The following LANCL1 variants were observed in gnomAD, a reference collection of about 807,000 sequenced individuals.
LANCL1 encodes the protein glutathione S-transferase LANCL1.
LANCL1 carries 50 observed loss-of-function variants against 50.6 expected under a neutral mutation model. The observed-to-expected ratio is 0.99, with a 90% confidence interval of 0.79 to 1.25. The LOEUF (loss-of-function observed/expected upper bound fraction) is 1.25, where lower values mean the gene tolerates loss of function less well. LANCL1 is among the 50% of genes most tolerant of loss of function. LANCL1 has a pLI of 0.00. For missense variants in LANCL1, 532 were observed against 480.7 expected, an observed-to-expected ratio of 1.11 and a Z score of -1.00; for synonymous variants, 188 against 178.6, an observed-to-expected ratio of 1.05 and a Z score of -0.42.
chr2:210,435,344 G>C, intron 9 of LANCL1, 43 bp downstream of exon 9: 1 of 1,445,810 alleles, frequency 6.9e-7, no homozygotes. Flanking sequence ...CAGAGAAGTA[G>C]ATGCTGATAT....
rs777484609 is a variant in LANCL1 at position 210,437,883 on chromosome 2, G to A, written c.691-11C>T. On this transcript the variant is annotated splice_polypyrimidine_tract_variant and intron_variant, in intron 6 of 9. Transcript: ENST00000450366. ...CACTTGAAGGCTGGGCTAAAAATGA[G>A]AAGGAAATTATTAGTTCTGCTGAAG... 1.3e-6 allele frequency: 2 copies of A among 1,574,802 alleles called. No individual in the cohort carries two copies. The highest frequency in any genetic ancestry group is 1.7e-6 in the Non-Finnish European group (2 of 1,162,040).
At chr2:210,447,810 C>G (rs950856599) in intron 4 of LANCL1, among the ~76,000 whole-genome samples, 3 of 152,150 alleles carry the variant, frequency 2.0e-5, no homozygotes, top group African/African-American at 7.2e-5. Context: ...AGCTGAATAT[C>G]CTAAATGTAT....
In LANCL1 at chr2:210,432,972, C is replaced by G. The variant is rs1430275082; in HGVS notation, c.*1515G>C. 1 of 152,558 alleles carries G rather than the reference C, an allele frequency of 6.6e-6. No individual in the cohort carries two copies. Among genetic ancestry groups the G allele is most frequent in the Non-Finnish European group, 1.5e-5 (1 of 68,032 alleles). The allele number at this position is 152,558 out of a possible 1,614,324, so 9.5% of individuals were successfully genotyped here. On this transcript the variant is annotated 3_prime_UTR_variant, in exon 10 of 10. Coordinates refer to ENST00000450366, the MANE Select transcript of LANCL1 (RefSeq NM_006055.3). ...AGGTCAGTTTCCAATAATATTAGCT[C>G]TTTTGGTGCTAAACAGGAGATAATA...
Position 210,441,419 on chromosome 2 carries a change from A to G in LANCL1, c.432T>C (p.Asp144=). Residue 144 remains aspartate (D), a synonymous_variant, in exon 5 of 10, where the codon GAT becomes GAC. Transcript: ENST00000450366. ...ITRLIHLNKI[D]PHAPNEMLYG... The stretch of plus-strand genomic sequence containing the variant: ...AGAGCATTTCATTTGGAGCATGAGG[A>G]TCAATCTTATTTAGGTGAATTAGCC... 6.2e-7 allele frequency: 1 copy of G among 1,611,556 alleles called. No homozygotes were observed. The highest frequency in any genetic ancestry group is 8.5e-7 in the Non-Finnish European group (1 of 1,178,420).
chr2:210,447,421 T>C (rs1390539023), intron 4 of LANCL1, among the ~76,000 whole-genome samples: 1 of 152,124 alleles, frequency 6.6e-6, no homozygotes, highest in African/African-American at 2.4e-5. Flanking sequence ...GTAAAGACCA[T>C]TGACACTATG....
chr2:210,440,652 T>C lies in LANCL1; in HGVS notation c.636A>G (p.Glu212=). Residue 212 remains glutamate, a synonymous_variant, in exon 6 of 10, where the codon GAA becomes GAG. Transcript: ENST00000450366. The part of the protein sequence containing the change: ...KSPLMYEWYQ[E]YYVGAAHGLA... ...GGCCATGAGCAGCCCCTACATAATA[T>C]TCCTGGTACCATTCATACATCAGTG... 2 of 1,613,972 alleles carry C rather than the reference T, an allele frequency of 1.2e-6. No individual in the cohort carries two copies. The highest frequency in any genetic ancestry group is 1.7e-6 in the Non-Finnish European group (2 of 1,179,890).
chr2:210,469,613 G>A (rs1454929684), intron 3 of LANCL1, among the ~76,000 whole-genome samples: 2 of 152,136 alleles, frequency 1.3e-5, no homozygotes, highest in Non-Finnish European at 2.9e-5. Context: ...GCTTTCAGGA[G>A]TCAGCAATGA....
intron 3 of LANCL1, among the ~76,000 whole-genome samples, chr2:210,462,986 A>C (rs1693913346): frequency 6.6e-6 from 1 of 152,206 alleles, no homozygotes; most frequent in Non-Finnish European, 1.5e-5. Flanking sequence ...TTCTTCACTT[A>C]TAAAGTGTAC....
At chr2:210,476,463 G>A in intron 1 of LANCL1, 51 bp from the exon 2 acceptor site, 1 of 1,478,934 alleles carries the variant, frequency 6.8e-7, no homozygotes, top group East Asian at 2.5e-5. Context: ...GGCCTCGGCC[G>A]AGTTGCGAGG....
rs60383019 is a variant in LANCL1, at chr2:210,473,613, A to T, written c.82-1537T>A. On this transcript the variant is annotated intron_variant, in intron 2 of 9. Transcript: ENST00000450366. Reference sequence around the variant, plus strand: ...TTTTTAAAAATGAGATAAAATCTTAACACTGAAAACAGCAAGAAGGCAGTA... The same window carrying T: ...TTTTTAAAAATGAGATAAAATCTTATCACTGAAAACAGCAAGAAGGCAGTA... Among the ~76,000 whole-genome samples, 888 of 152,310 alleles carry T rather than the reference A, an allele frequency of 5.8e-3. 11 individuals carry two copies. The highest frequency in any genetic ancestry group is 0.02 in the African/African-American group (814 of 41,576).
chr2:210,471,904 A>G (rs1694235528), intron 3 of LANCL1, 55 bp downstream of exon 3: 2 of 1,239,744 alleles, frequency 1.6e-6, no homozygotes, highest in South Asian at 1.2e-5. Flanking sequence ...TCTCGGAAAA[A>G]TGCTCTGGCT....
chr2:210,441,550 T>A, intron 4 of LANCL1, 107 bp from the exon 5 acceptor site: 1 of 805,898 alleles, frequency 1.2e-6, no homozygotes, highest in Non-Finnish European at 2.0e-6. Flanking sequence ...AAATATGTAT[T>A]TATACATATA....
rs768402457 is a variant in LANCL1, at chr2:210,433,537, T to C, written c.*950A>G. 6 of 152,206 alleles carry C rather than the reference T, an allele frequency of 3.9e-5. No individual in the cohort carries two copies. The highest frequency in any genetic ancestry group is 5.9e-5 in the Non-Finnish European group (4 of 68,044). 9.4% of individuals were successfully genotyped at this position (152,206 alleles called of 1,614,324 possible). The stretch of plus-strand genomic sequence containing the variant: ...AATTGATAGGAAGGAAAATATTTTA[T>C]GGCTTATACCAAAGAGTCAGCACTA... On this transcript the variant is annotated 3_prime_UTR_variant, in exon 10 of 10. Transcript: ENST00000450366.
At position 210,455,398 on chromosome 2, in the gene LANCL1, A is replaced by AT. The variant is rs1169071718; in HGVS notation, c.200-85dup. 18 of 1,120,064 alleles carry AT rather than the reference A, an allele frequency of 1.6e-5. No individual in the cohort carries two copies. The Admixed American group carries it at 4.5e-4, about 28-fold the overall frequency. The allele number at this position is 1,120,064 out of a possible 1,614,324, so 69.4% of individuals were successfully genotyped here. ...TTGGCATGGTGTCTACTCAGCAGCG[A>AT]TTTTTGATAACCTGTAGCAAATTTA... On this transcript the variant is annotated intron_variant, in intron 3 of 9. Transcript: ENST00000450366.
At chr2:210,464,474 A>G (rs1301463881) in intron 3 of LANCL1, among the ~76,000 whole-genome samples, 1 of 151,980 alleles carries the variant, frequency 6.6e-6, no homozygotes, top group Admixed American at 6.6e-5. Flanking sequence ...TTAAAAATAT[A>G]TATATATAGT....
rs771069582 is a variant in LANCL1 at position 210,436,322 on chromosome 2, A to G, written c.944T>C (p.Leu315Pro). The change falls in exon 8 of 10, where the codon CTG becomes CCG. Residue 315 changes from leucine to proline, a missense_variant. Coordinates refer to ENST00000450366, the MANE Select transcript of LANCL1 (RefSeq NM_006055.3). ...CADVIWQYGL[L>P]KKGYGLCHGS... ...GTGGCACAGCCCATATCCCTTCTTC[A>G]GCAACCCATATTGCCAGATCACATC... is the stretch of plus-strand genomic sequence containing the variant. 6.2e-7 allele frequency: 1 copy of G among 1,614,120 alleles called. No homozygotes were observed. Among genetic ancestry groups the G allele is most frequent in the Non-Finnish European group, 8.5e-7 (1 of 1,179,988 alleles).
At position 210,433,970 on chromosome 2, in the gene LANCL1, T is replaced by G. The variant is rs183644864; in HGVS notation, c.*517A>C. The G allele has an allele frequency of 6.6e-6, 1 of 152,318 alleles. No individual in the cohort carries two copies. The highest frequency in any genetic ancestry group is 1.9e-4 in the East Asian group (1 of 5,174). 9.4% of individuals were successfully genotyped at this position (152,318 alleles called of 1,614,324 possible). A position where few individuals can be genotyped will look rare whatever the true frequency, so the allele number is the denominator to read the frequency against. ...AGTCCAGATTGTAACTCTTGGAATTTTTCTCCTGGAAGCATTTAGTTATAT... is the reference window on the plus strand; with the variant it reads ...AGTCCAGATTGTAACTCTTGGAATTGTTCTCCTGGAAGCATTTAGTTATAT... On this transcript the variant is annotated 3_prime_UTR_variant, in exon 10 of 10. Transcript: ENST00000450366.
Position 210,462,058 on chromosome 2 carries a change from C to G in LANCL1, c.200-6744G>C, listed in dbSNP as rs1372625158. ...AAAGCACTTTAGAATGTTCTCCCCA[C>G]TAGCACCTACAGTCTACCTGGATCA... On this transcript the variant is annotated intron_variant, in intron 3 of 9. Transcript: ENST00000450366. Among the ~76,000 whole-genome samples the G allele has an allele frequency of 2.0e-5, 3 of 152,196 alleles. No individual in the cohort carries two copies. The East Asian group carries it at 5.8e-4, about 29-fold the overall frequency.
intron 5 of LANCL1, 152 bp from the exon 6 acceptor site, chr2:210,440,896 G>C (rs926183119): frequency 1.3e-5 from 9 of 698,686 alleles, no homozygotes; most frequent in East Asian, 2.7e-5. Context: ...TTCTCCATCA[G>C]AGAAGTGTGT....
Sources: gnomAD v4.1 joint callset for allele counts (sites outside exome capture counted in the v4.1 genomes callset) on GRCh38, gnomAD v4.1.1 for gene constraint, MANE v1.5 for transcripts, NCBI Gene and HGNC (gene_info 2026-07-23, HGNC 2026-07-21) for gene names.